LCOR: variants seen among roughly 807,000 people sequenced by gnomAD.
LCOR encodes ligand dependent nuclear receptor corepressor.
In LCOR, 14 loss-of-function variants were observed where a neutral mutation model predicts 64.4. The ratio of observed to expected loss-of-function variants is 0.22; its 90% CI spans 0.14 to 0.34. The LOEUF is 0.34. Among genes scored for constraint, LCOR ranks in the 10% least tolerant of loss-of-function variants. LCOR has a pLI of 1.00. For synonymous variants in LCOR, 643 were observed against 642.5 expected, an observed-to-expected ratio of 1.00 and a Z score of -0.01; for missense variants, 1,686 against 1,765.3, an observed-to-expected ratio of 0.96 and a Z score of 0.80.
intron 2 of LCOR, among the ~76,000 whole-genome samples, chr10:96,882,099 T>G (rs961041708): frequency 6.6e-6 from 1 of 152,198 alleles, no homozygotes; most frequent in Non-Finnish European, 1.5e-5. Context: ...TATTAATTAT[T>G]CGAACTAATA....
intron 2 of LCOR, among the ~76,000 whole-genome samples, chr10:96,880,759 T>C (rs941474258): frequency 1.3e-5 from 2 of 152,234 alleles, no homozygotes; most frequent in Non-Finnish European, 2.9e-5. Context: ...GATTTAATTC[T>C]GCTTCTCTTT....
At chr10:96,861,550 T>C (rs1192393034) in intron 2 of LCOR, among the ~76,000 whole-genome samples, 1 of 152,048 alleles carries the variant, frequency 6.6e-6, no homozygotes, top group Non-Finnish European at 1.5e-5. Context: ...TCTTTTCTCT[T>C]TCTTTTTTTT....
chr10:96,889,849 G>A (rs184094938), intron 2 of LCOR, among the ~76,000 whole-genome samples: 1 of 152,144 alleles, frequency 6.6e-6, no homozygotes, highest in Admixed American at 6.5e-5. Context: ...TAATGCTGCT[G>A]TTCAATACTG....
At chr10:96,966,339 C>T (rs537931040) in intron 7 of LCOR, among the ~76,000 whole-genome samples, 4 of 150,560 alleles carry the variant, frequency 2.7e-5, no homozygotes, top group African/African-American at 9.8e-5. Flanking sequence ...TGCCATTCTC[C>T]TGCCTCAGCC....
At chr10:96,966,470 C>T (rs553998505) in intron 7 of LCOR, among the ~76,000 whole-genome samples, 1 of 152,000 alleles carries the variant, frequency 6.6e-6, no homozygotes, top group Non-Finnish European at 1.5e-5. Context: ...CCTCGTGATC[C>T]GCCCGTCTCG....
rs573109649 is a variant in LCOR at position 96,907,101 on chromosome 10, C to G, written c.-329-164C>G. ...ATCATTGACAGAAATGCAAATGCTC[C>G]TTTTAGATTTGTCATTGACACTCTT... On this transcript the variant is annotated intron_variant, in intron 2 of 7. Coordinates refer to ENST00000421806, the MANE Select transcript of LCOR (RefSeq NM_001346516.2). 1.6e-3 allele frequency among the ~76,000 whole-genome samples: 249 copies of G among 152,114 alleles called. 1 individual carries two copies. Among genetic ancestry groups the G allele is most frequent in the Non-Finnish European group, 3.0e-3 (205 of 67,980 alleles).
intron 4 of LCOR, among the ~76,000 whole-genome samples, chr10:96,910,725 T>A (rs539600482): frequency 3.2e-4 from 49 of 152,334 alleles, no homozygotes; most frequent in Admixed American, 3.1e-3. Flanking sequence ...AGCATGGTAC[T>A]GGATCTTGAG....
chr10:96,916,597 A>C (rs867853549), intron 4 of LCOR, among the ~76,000 whole-genome samples: 16 of 149,074 alleles, frequency 1.1e-4, no homozygotes, highest in African/African-American at 1.7e-4. Flanking sequence ...CTATATATAT[A>C]TATATATATC....
rs117285041 is a variant in LCOR at position 96,933,962 on chromosome 10, C to T, written c.-183-10151C>T. ...TACAGCTGTCTAGTTTCTTGAAGTT[C>T]CATAGATTGAAGAGTTTTATAGCAT... is the stretch of plus-strand genomic sequence containing the variant. On this transcript the variant is annotated intron_variant, in intron 4 of 7. Transcript: ENST00000421806. Among the ~76,000 whole-genome samples the T allele has an allele frequency of 8.0e-3, 1,223 of 152,266 alleles. 11 individuals carry two copies. The highest frequency in any genetic ancestry group is 0.024 in the Middle Eastern group (7 of 294).
At chr10:96,927,343 T>A (rs1459750494) in intron 4 of LCOR, among the ~76,000 whole-genome samples, 4 of 151,546 alleles carry the variant, frequency 2.6e-5, no homozygotes, top group African/African-American at 2.4e-5. Flanking sequence ...TAGAAAACAT[T>A]ATTATAAGTT....
In LCOR at chr10:96,987,463, A is replaced by C. The variant is rs930533918; in HGVS notation, c.*2329A>C. ...TGTAATTCATTCCATTCCTTTTCTA[A>C]GTTCTTTTTCATTTTTAAAAGCTCA... is the stretch of plus-strand genomic sequence containing the variant. On this transcript the variant is annotated 3_prime_UTR_variant, in exon 8 of 8. Coordinates refer to ENST00000421806, the MANE Select transcript of LCOR (RefSeq NM_001346516.2). 3.9e-5 allele frequency: 6 copies of C among 152,094 alleles called. No homozygotes were observed. Among genetic ancestry groups the C allele is most frequent in the Non-Finnish European group, 7.4e-5 (5 of 68,024 alleles). 9.4% of individuals were successfully genotyped at this position (152,094 alleles called of 1,614,324 possible). A position where few individuals can be genotyped will look rare whatever the true frequency, so the allele number is the denominator to read the frequency against.
chr10:96,967,753 T>TAA (rs1265966532), intron 7 of LCOR, among the ~76,000 whole-genome samples: 2 of 152,168 alleles, frequency 1.3e-5, no homozygotes, highest in African/African-American at 4.8e-5. Context: ...TGCCTTTTGT[T>TAA]TATTTTAAGT....
chr10:96,964,652 A>G (rs987109334), intron 7 of LCOR, among the ~76,000 whole-genome samples: 3 of 152,130 alleles, frequency 2.0e-5, no homozygotes, highest in East Asian at 1.9e-4. Flanking sequence ...TTGTAAACTC[A>G]GTGTCTTTAC....
intron 2 of LCOR, among the ~76,000 whole-genome samples, chr10:96,893,804 T>A (rs1846490272): frequency 1.3e-5 from 2 of 152,012 alleles, no homozygotes; most frequent in South Asian, 4.1e-4. Context: ...TATAGAGCTT[T>A]TAAAAGAGAA....
At position 96,991,110 on chromosome 10, in the gene LCOR, A is replaced by C. The variant is rs1848197305; in HGVS notation, c.*5976A>C. 6.6e-6 allele frequency: 1 copy of C among 151,076 alleles called. No individual in the cohort carries two copies. The highest frequency in any genetic ancestry group is 2.4e-5 in the African/African-American group (1 of 41,016). 9.4% of individuals were successfully genotyped at this position (151,076 alleles called of 1,614,324 possible). A position where few individuals can be genotyped will look rare whatever the true frequency, so the allele number is the denominator to read the frequency against. The stretch of plus-strand genomic sequence containing the variant: ...CCTGACCCTTTTGTGGAAAAGCTCT[A>C]CTGATCCTTATAGTAGTCATTAAAG... On this transcript the variant is annotated 3_prime_UTR_variant, in exon 8 of 8. Coordinates refer to ENST00000421806, the MANE Select transcript of LCOR (RefSeq NM_001346516.2).
At chr10:96,870,312 T>C (rs1019050949) in intron 2 of LCOR, among the ~76,000 whole-genome samples, 1 of 152,152 alleles carries the variant, frequency 6.6e-6, no homozygotes, top group Non-Finnish European at 1.5e-5. Flanking sequence ...CACCCGGCCC[T>C]AAACCCTAGG....
chr10:96,863,290 G>T lies in LCOR; in HGVS notation c.-330+29811G>T, dbSNP rs145359747. 2.8e-3 allele frequency among the ~76,000 whole-genome samples: 419 copies of T among 147,054 alleles called. 6 individuals are homozygous for T. Among genetic ancestry groups the T allele is most frequent in the African/African-American group, 9.6e-3 (379 of 39,578 alleles). ...GTGCTCTCAGCTCACTGCAACCTCC[G>T]CCTCCTTGTTTCAAGTGATTCTCCT... is the stretch of plus-strand genomic sequence containing the variant. On this transcript the variant is annotated intron_variant, in intron 2 of 7. Coordinates refer to ENST00000421806, the MANE Select transcript of LCOR (RefSeq NM_001346516.2).
At chr10:96,928,589 G>C (rs2134485208) in intron 4 of LCOR, among the ~76,000 whole-genome samples, 1 of 152,214 alleles carries the variant, frequency 6.6e-6, no homozygotes, top group Admixed American at 6.5e-5. Context: ...AGTCATCTGT[G>C]AGGGTTTGAA....
chr10:96,832,605 C>T (rs1003451996), intron 1 of LCOR, among the ~76,000 whole-genome samples: 14 of 147,268 alleles, frequency 9.5e-5, no homozygotes, highest in African/African-American at 1.5e-4. Flanking sequence ...CGCGCGCCGG[C>T]CCCTCCCCTC....
Sources: gnomAD v4.1 joint callset for allele counts (sites outside exome capture counted in the v4.1 genomes callset) on GRCh38, gnomAD v4.1.1 for gene constraint, MANE v1.5 for transcripts, NCBI Gene and HGNC (gene_info 2026-07-23, HGNC 2026-07-21) for gene names.